The following TBXAS1 variants were observed in gnomAD, a reference collection of about 807,000 sequenced individuals.
TBXAS1 encodes thromboxane-A synthase.
TBXAS1 carries 48 observed loss-of-function variants against 60.7 expected under a neutral mutation model. The observed-to-expected ratio is 0.79, with a 90% confidence interval of 0.63 to 1.01. The LOEUF is 1.01. Ranked by LOEUF, TBXAS1 falls within the 50% of genes least tolerant of loss-of-function variation. The probability of loss-of-function intolerance (pLI) is 0.00; values close to 1 mark genes in which losing one functional copy is unlikely to be tolerated. For missense variants in TBXAS1, 685 were observed against 686.3 expected (o/e 1.00, Z 0.02); for synonymous variants, 287 against 269.7 (o/e 1.06, Z -0.63).
chr7:139,960,616 C>T (rs1584957249), intron 8 of TBXAS1, among the ~76,000 whole-genome samples: 1 of 151,932 alleles, frequency 6.6e-6, no homozygotes, highest in South Asian at 2.1e-4. Flanking sequence ...TGTGGTGGCA[C>T]ATGCCTATAG....
intron 4 of TBXAS1, among the ~76,000 whole-genome samples, chr7:139,810,098 G>A (rs1470689809): frequency 6.6e-6 from 1 of 151,686 alleles, no homozygotes; most frequent in Non-Finnish European, 1.5e-5. Context: ...GTACAGTGGT[G>A]TGATCTCGGC....
chr7:139,792,294 G>T (rs1237342742), intron 4 of TBXAS1, among the ~76,000 whole-genome samples: 1 of 152,132 alleles, frequency 6.6e-6, no homozygotes, highest in Non-Finnish European at 1.5e-5. Context: ...GTAAAATAGA[G>T]TTACCAAAAC....
chr7:139,792,021 A>T (rs939638532), intron 4 of TBXAS1, among the ~76,000 whole-genome samples: 2 of 152,142 alleles, frequency 1.3e-5, no homozygotes, highest in Admixed American at 1.3e-4. Context: ...GTTCCAGGGT[A>T]TGCTATATCC....
chr7:139,978,775 C>CAAAAAAAAAAA (rs35583867), intron 9 of TBXAS1, among the ~76,000 whole-genome samples: 5 of 90,980 alleles, frequency 5.5e-5, no homozygotes, highest in African/African-American at 8.8e-5. Context: ...CCTGCCTCTA[C>CAAAAAAAAAAA]AAAAAAAAAA....
chr7:139,924,507 GT>G (rs1569514271), intron 4 of TBXAS1, among the ~76,000 whole-genome samples: 3 of 151,718 alleles, frequency 2.0e-5, no homozygotes, highest in East Asian at 1.9e-4. Context: ...GGATTATTAG[GT>G]TTTTTTCCTG....
chr7:139,796,308 G>C (rs1264703585), intron 4 of TBXAS1, among the ~76,000 whole-genome samples: 1 of 152,144 alleles, frequency 6.6e-6, no homozygotes, highest in Non-Finnish European at 1.5e-5. Flanking sequence ...AGCATTCAGT[G>C]ATAAAAATAA....
At chr7:139,870,587 A>T (rs1158892941) in intron 1 of TBXAS1, among the ~76,000 whole-genome samples, 2 of 152,164 alleles carry the variant, frequency 1.3e-5, no homozygotes, top group Non-Finnish European at 2.9e-5. Flanking sequence ...AATGAAGAGG[A>T]GTGTTGGTAT....
rs1252877545 is a variant in TBXAS1, at chr7:139,896,554, A to G, written c.237-14671A>G. 6.6e-6 allele frequency among the ~76,000 whole-genome samples: 1 copy of G among 152,226 alleles called. No individual in the cohort carries two copies. On this transcript the variant is annotated intron_variant, in intron 3 of 12. Coordinates refer to ENST00000448866, the MANE Select transcript of TBXAS1 (RefSeq NM_001061.7). This position sits in a 1 kb window ranked among gnomAD's most constrained non-coding sequence, Gnocchi z 4.0. ...GGTATTTTACACATTCGTGACAAAT[A>G]CAGCAACATCTGTCAGGCACTGTAG...
chr7:139,951,883 GAAGGAAGGAAGGAAGGAAAGAA>G (rs1809343117), intron 5 of TBXAS1, among the ~76,000 whole-genome samples: 1 of 33,966 alleles, frequency 2.9e-5, no homozygotes, highest in African/African-American at 1.6e-4. Flanking sequence ...AGGAAGGAAA[GAAGGAAGGAAGGAAGGAAAGAA>G]AGAGAAAGAA....
chr7:139,991,856 C>T (rs562624581), intron 9 of TBXAS1, among the ~76,000 whole-genome samples: 1 of 152,350 alleles, frequency 6.6e-6, no homozygotes, highest in South Asian at 2.1e-4. Flanking sequence ...ACGGGCAGCT[C>T]TCTAGCAGGT....
chr7:139,913,234 C>T, intron 4 of TBXAS1: 1 of 676,792 alleles, frequency 1.5e-6, no homozygotes, highest in Non-Finnish European at 2.7e-6. Context: ...CACTGCATTG[C>T]TATCTCCTCG....
intron 3 of TBXAS1, among the ~76,000 whole-genome samples, chr7:139,877,207 G>A (rs1463249859): frequency 6.6e-6 from 1 of 152,154 alleles, no homozygotes; most frequent in African/African-American, 2.4e-5. Context: ...CGAGCGGGGA[G>A]GCAAGGCGTG....
chr7:139,966,298 G>C lies in TBXAS1; in HGVS notation c.1134+4065G>C, dbSNP rs2065969294. Among the ~76,000 whole-genome samples the C allele has an allele frequency of 1.3e-5, 2 of 152,218 alleles. 1 individual carries two copies. Among genetic ancestry groups the C allele is most frequent in the South Asian group, 4.1e-4 (2 of 4,832 alleles). ...ATGAGAGCTACATCTCTTCCTCCAAGAAAGAGCAGATATGTGCATGGCATC... is the reference window on the plus strand; with the variant it reads ...ATGAGAGCTACATCTCTTCCTCCAACAAAGAGCAGATATGTGCATGGCATC... On this transcript the variant is annotated intron_variant, in intron 9 of 12. Transcript: ENST00000448866.
intron 7 of TBXAS1, among the ~76,000 whole-genome samples, chr7:139,957,413 A>G (rs917312454): frequency 2.9e-4 from 44 of 152,228 alleles, no homozygotes; most frequent in Non-Finnish European, 4.9e-4. Flanking sequence ...TTAATTGCAC[A>G]GATGTTTATT....
At chr7:139,884,880 T>G (rs781271087) in intron 3 of TBXAS1, among the ~76,000 whole-genome samples, 1 of 152,112 alleles carries the variant, frequency 6.6e-6, no homozygotes, top group Non-Finnish European at 1.5e-5. Context: ...AGTTCTAAGA[T>G]TCACAGCATC....
intron 4 of TBXAS1, among the ~76,000 whole-genome samples, chr7:139,807,474 C>T (rs1797908121): frequency 1.3e-5 from 2 of 152,116 alleles, no homozygotes; most frequent in South Asian, 4.1e-4. Flanking sequence ...ACCTCCGCCT[C>T]CCGGGTTCAA....
rs1336929892 is a variant in TBXAS1, at chr7:139,872,308, A to G, written c.163A>G (p.Asn55Asp). Residue 55 changes from asparagine to aspartate, a missense_variant, in exon 2 of 13, where the codon AAC becomes GAC. Transcript: ENST00000448866. ...RHPKPSPFIG[N>D]LTFFRQGFWE... is the part of the protein sequence containing the mutation. ...TCCCAAGCCTTCTCCTTTCATTGGA[A>G]ACTTGACATTTTTCCGCCAGGTAAG... is the stretch of plus-strand genomic sequence containing the variant. 2 of 1,613,842 alleles carry G rather than the reference A, an allele frequency of 1.2e-6. No homozygotes were observed. Among genetic ancestry groups the G allele is most frequent in the Non-Finnish European group, 1.7e-6 (2 of 1,179,894 alleles).
At chr7:140,005,794 T>C (rs1814032687) in intron 9 of TBXAS1, among the ~76,000 whole-genome samples, 2 of 152,252 alleles carry the variant, frequency 1.3e-5, no homozygotes. Context: ...GTTGAATGGC[T>C]ATGTCATCAT....
Position 139,814,482 on chromosome 7 carries a change from A to G in TBXAS1, c.-79-14830A>G, listed in dbSNP as rs118033016. On this transcript the variant is annotated intron_variant, in intron 4 of 16. Coordinates refer to the TBXAS1 transcript ENST00000336425. ...ATCCAGTTGGTCAAGTGGACACTCA[A>G]CATGACTTTGCTGGAATCACAAGGT... Among the ~76,000 whole-genome samples, 25 of 152,308 alleles carry G rather than the reference A, an allele frequency of 1.6e-4. No homozygotes were observed. In the South Asian group the frequency reaches 2.3e-3, roughly 14 times the overall value.
Sources: allele counts gnomAD v4.1 joint callset (sites outside exome capture counted in the v4.1 genomes callset), GRCh38; gene constraint gnomAD v4.1.1; non-coding constraint Gnocchi (gnomAD v3.1); transcripts MANE v1.5; gene names NCBI Gene and HGNC (gene_info 2026-07-23, HGNC 2026-07-21).